TTC34: variants seen among roughly 807,000 people sequenced by gnomAD.
TTC34 encodes tetratricopeptide repeat domain 34.
TTC34 carries 44 observed loss-of-function variants against 40.7 expected under a neutral mutation model. That is an observed-to-expected ratio of 1.08 (90% CI 0.85 to 1.39). TTC34 has a LOEUF of 1.39. Ranked by LOEUF, TTC34 falls within the 40% of genes most tolerant of loss-of-function variation. The probability of loss-of-function intolerance (pLI) is 0.00; values close to 1 mark genes in which losing one functional copy is unlikely to be tolerated. For missense variants in TTC34, 884 were observed against 838.0 expected (o/e 1.05, Z -0.68); for synonymous variants, 422 against 398.6 (o/e 1.06, Z -0.70).
At chr1:2,780,414 T>G (rs1020731665) in intron 6 of TTC34, among the ~76,000 whole-genome samples, 2 of 152,210 alleles carry the variant, frequency 1.3e-5, no homozygotes, top group African/African-American at 4.8e-5. Context: ...AAGAATTTTA[T>G]AGTTTTAGGT....
Position 2,645,309 on chromosome 1 carries a change from G to A in TTC34, c.2481C>T (p.Asp827=), listed in dbSNP as rs1473790340. The A allele has an allele frequency of 9.3e-6, 14 of 1,497,462 alleles. No homozygotes were observed. The Admixed American group carries it at 1.3e-4, about 14-fold the overall frequency. The allele number at this position is 1,497,462 out of a possible 1,614,324, so 92.8% of individuals were successfully genotyped here. The change falls in exon 7 of 9, where the codon GAC becomes GAT. Residue 827 remains aspartate, a synonymous_variant. Coordinates refer to ENST00000401095, the Ensembl canonical transcript of TTC34. The surrounding 1 kb of genome is among the most constrained non-coding windows in gnomAD (Gnocchi z 4.7). ...GCCGCATACCCTGTGCCATGAGAATGTCTGCCAGGAGGAGGTGCCAGTGCG... is the reference window on the plus strand; with the variant it reads ...GCCGCATACCCTGTGCCATGAGAATATCTGCCAGGAGGAGGTGCCAGTGCG...
chr1:2,644,434 G>A (rs528321559), exon 8 of TTC34: 11 of 1,535,622 alleles, frequency 7.2e-6, no homozygotes, highest in South Asian at 3.6e-5. Flanking sequence ...GTTGGGGCAC[G>A]GTGCAGGGCT....
intron 5 of TTC34, among the ~76,000 whole-genome samples, chr1:2,785,030 C>G (rs1643560737): frequency 6.6e-6 from 1 of 151,754 alleles, no homozygotes; most frequent in Non-Finnish European, 1.5e-5. Flanking sequence ...TGCATGCCTT[C>G]CTGCCGACGT....
intron 6 of TTC34, among the ~76,000 whole-genome samples, chr1:2,665,950 C>A (rs1314613893): frequency 4.5e-5 from 2 of 44,486 alleles, no homozygotes; most frequent in African/African-American, 5.7e-5. Flanking sequence ...CATATGAGAG[C>A]CTGGAACAGC....
At chr1:2,642,290 T>C (rs986755702) in intron 8 of TTC34, among the ~76,000 whole-genome samples, 1 of 152,146 alleles carries the variant, frequency 6.6e-6, no homozygotes, top group Admixed American at 6.5e-5. Flanking sequence ...TTCCCTTGAC[T>C]GGGTGACCAC....
chr1:2,674,126 G>A (rs1385817520), intron 6 of TTC34, among the ~76,000 whole-genome samples: 2 of 74,858 alleles, frequency 2.7e-5, no homozygotes, highest in Non-Finnish European at 6.4e-5. Context: ...ACCCCCAGGG[G>A]AGCATCTGAC....
At position 2,785,568 on chromosome 1, in the gene TTC34, C is replaced by G. The variant is rs141330810; in HGVS notation, c.2059+251G>C. ...GGGTGCTGGGACGGCAGCTCAGGCA[C>G]CAGGCAGGGCACAGCTCAGGTCCCA... On this transcript the variant is annotated intron_variant, in intron 5 of 8. Coordinates refer to ENST00000401095, the Ensembl canonical transcript of TTC34. Among the ~76,000 whole-genome samples, 1,440 of 152,280 alleles carry G rather than the reference C, an allele frequency of 9.5e-3. 30 individuals carry two copies. The highest frequency in any genetic ancestry group is 0.033 in the African/African-American group (1,369 of 41,540).
At position 2,749,782 on chromosome 1, in the gene TTC34, A is replaced by C. The variant is rs1359339710; in HGVS notation, c.2226+33827T>G. On this transcript the variant is annotated intron_variant, in intron 6 of 8. Transcript: ENST00000401095. ...TCCCACACCCCCAGGCGAGCATCTG[A>C]CAGCATGTATCAGCACCCACACCCC... Among the ~76,000 whole-genome samples the C allele has an allele frequency of 1.1e-4, 9 of 85,400 alleles. No individual in the cohort carries two copies. The Admixed American group carries it at 1.1e-3, about 10-fold the overall frequency. The allele number at this position is 85,400 out of a possible 152,430, so 56.0% of individuals were successfully genotyped here.
At chr1:2,800,186 T>G in exon 2 of TTC34, 1 of 397,918 alleles carries the variant, frequency 2.5e-6, no homozygotes, top group Middle Eastern at 6.3e-4. Flanking sequence ...CCGCCAGGAG[T>G]CGCTGGCCAC....
At chr1:2,696,327 T>C (rs200728710) in intron 6 of TTC34, among the ~76,000 whole-genome samples, 380 of 17,370 alleles carry the variant, frequency 0.022, 4 homozygotes, top group Middle Eastern at 0.1. Flanking sequence ...CCCCCAGGTG[T>C]GCACGTGACA....
At chr1:2,801,408 TG>T (rs551667369) in intron 1 of TTC34, among the ~76,000 whole-genome samples, 168 bp downstream of exon 1, 3 of 151,658 alleles carry the variant, frequency 2.0e-5, no homozygotes, top group Admixed American at 1.3e-4. Flanking sequence ...AGCCCATGGG[TG>T]GGGGGGTTCA....
chr1:2,681,918 A>G (rs1428146270), intron 6 of TTC34, among the ~76,000 whole-genome samples: 3 of 115,264 alleles, frequency 2.6e-5, no homozygotes, highest in African/African-American at 1.0e-4. Context: ...CCAGGTGCGC[A>G]TGTGACAGCC....
intron 6 of TTC34, chr1:2,775,285 G>GACAGCCA (rs1643008273): frequency 6.6e-6 from 1 of 150,794 alleles, no homozygotes; most frequent in South Asian, 2.1e-4. Flanking sequence ...GTGAGCATCC[G>GACAGCCA]ACAGCCTGGA....
At chr1:2,793,902 C>T (rs1028979379) in intron 2 of TTC34, among the ~76,000 whole-genome samples, 17 of 152,262 alleles carry the variant, frequency 1.1e-4, no homozygotes, top group African/African-American at 3.6e-4. Flanking sequence ...TCCTTCTCCT[C>T]TTCTCCCCCA....
rs1424433761 is a variant in TTC34 at position 2,796,800 on chromosome 1, C to T, written c.784+3244G>A. Among the ~76,000 whole-genome samples, 1 of 152,000 alleles carries T rather than the reference C, an allele frequency of 6.6e-6. No individual in the cohort carries two copies. The highest frequency in any genetic ancestry group is 2.4e-5 in the African/African-American group (1 of 41,410). On this transcript the variant is annotated intron_variant, in intron 2 of 8. Transcript: ENST00000401095. This position sits in a 1 kb window ranked among gnomAD's most constrained non-coding sequence, Gnocchi z 4.5. ...CTTTGTTGATCATTTTCTGGTAATGCTCAACATATTTGAGCATATTTCCAG... is the reference window on the plus strand; with the variant it reads ...CTTTGTTGATCATTTTCTGGTAATGTTCAACATATTTGAGCATATTTCCAG...
chr1:2,779,845 A>G (rs1288812089), intron 6 of TTC34, among the ~76,000 whole-genome samples: 1 of 152,208 alleles, frequency 6.6e-6, no homozygotes, highest in Non-Finnish European at 1.5e-5. Flanking sequence ...GATGTCCAGC[A>G]TCTTTTCATG....
At chr1:2,653,732 A>G (rs1170605851) in intron 6 of TTC34, among the ~76,000 whole-genome samples, 70 of 126,552 alleles carry the variant, frequency 5.5e-4, no homozygotes, top group South Asian at 6.1e-4. Flanking sequence ...ACCCACAACC[A>G]CAAGTGAGCA....
Position 2,749,544 on chromosome 1 carries a change from G to A in TTC34, c.2226+34065C>T, listed in dbSNP as rs1259734933. 7.8e-5 allele frequency among the ~76,000 whole-genome samples: 4 copies of A among 51,560 alleles called. 1 individual carries two copies. Among genetic ancestry groups the A allele is most frequent in the African/African-American group, 5.7e-4 (4 of 7,044 alleles). The allele number at this position is 51,560 out of a possible 152,430, so 33.8% of individuals were successfully genotyped here. ...CAGATTCCCAGGCAAGCATCTGAAC[G>A]CAAATAGCAGCACCCACACCCCCAG... On this transcript the variant is annotated intron_variant, in intron 6 of 8. Coordinates refer to ENST00000401095, the Ensembl canonical transcript of TTC34.
rs1477321324 is a variant in TTC34, at chr1:2,692,449, G to C, written c.2227-46886C>G. Reference sequence around the variant, plus strand: ...CCCCAGGTGAGCATCTGACTGCCTGGAGCAGCACCCACACCCCCAGGTGAG... The same window carrying C: ...CCCCAGGTGAGCATCTGACTGCCTGCAGCAGCACCCACACCCCCAGGTGAG... On this transcript the variant is annotated intron_variant, in intron 6 of 8. Coordinates refer to ENST00000401095, the Ensembl canonical transcript of TTC34. Among the ~76,000 whole-genome samples, 6 of 96,370 alleles carry C rather than the reference G, an allele frequency of 6.2e-5. 1 individual carries two copies. The highest frequency in any genetic ancestry group is 1.4e-4 in the Non-Finnish European group (6 of 42,256). The allele number at this position is 96,370 out of a possible 152,430, so 63.2% of individuals were successfully genotyped here.
Sources: allele counts gnomAD v4.1 joint callset (sites outside exome capture counted in the v4.1 genomes callset), GRCh38; gene constraint gnomAD v4.1.1; non-coding constraint Gnocchi (gnomAD v3.1); transcripts MANE v1.5; gene names NCBI Gene and HGNC (gene_info 2026-07-23, HGNC 2026-07-21).